Variants in EXT1 observed in about 807,000 individuals in gnomAD.
EXT1 encodes the protein exostosin-1.
Under a neutral mutation model 82.5 loss-of-function variants are expected in EXT1, and 20 were observed. The observed-to-expected ratio is 0.24, with a 90% CI of 0.17 to 0.35. The LOEUF (loss-of-function observed/expected upper bound fraction) is 0.35. EXT1 is among the 10% of genes least tolerant of loss of function. The pLI, the probability that EXT1 is intolerant of heterozygous loss-of-function variation, is 1.00. For synonymous variants in EXT1, 348 were observed against 350.8 expected (o/e 0.99, Z 0.09); for missense variants, 757 against 936.5 (o/e 0.81, Z 2.50).
rs1203698555 is a variant in EXT1 at position 118,111,201 on chromosome 8, A to G, written c.-155T>C. 1.8e-6 allele frequency: 2 copies of G among 1,088,508 alleles called. No individual in the cohort carries two copies. Among genetic ancestry groups the G allele is most frequent in the Non-Finnish European group, 2.7e-6 (2 of 743,588 alleles). 67.4% of individuals were successfully genotyped at this position (1,088,508 alleles called of 1,614,324 possible). On this transcript the variant is annotated 5_prime_UTR_variant, in exon 1 of 11. Coordinates refer to ENST00000378204, the MANE Select transcript of EXT1 (RefSeq NM_000127.3). Reference sequence around the variant, plus strand: ...CTGGATGCCTTTCCCCAAGCCGTGGACTGATCCAGCGCATGTGGGCGATTT... The same window carrying G: ...CTGGATGCCTTTCCCCAAGCCGTGGGCTGATCCAGCGCATGTGGGCGATTT...
At chr8:117,959,519 C>T (rs867074302) in intron 1 of EXT1, among the ~76,000 whole-genome samples, 1 of 152,188 alleles carries the variant, frequency 6.6e-6, no homozygotes, top group Non-Finnish European at 1.5e-5. Context: ...ACAGTCCTTA[C>T]CACTGTCATC....
intron 1 of EXT1, among the ~76,000 whole-genome samples, chr8:117,860,378 G>A (rs1812660849): frequency 6.6e-6 from 1 of 152,106 alleles, no homozygotes; most frequent in African/African-American, 2.4e-5. Context: ...GGGGATGAGA[G>A]AAGAAGAAAT....
At chr8:117,825,259 A>G (rs1280909873) in intron 4 of EXT1, among the ~76,000 whole-genome samples, 1 of 152,198 alleles carries the variant, frequency 6.6e-6, no homozygotes, top group Non-Finnish European at 1.5e-5. Flanking sequence ...TAAAAGGTTT[A>G]TATCAACTTG....
At chr8:117,979,140 G>T (rs1815129311) in intron 1 of EXT1, among the ~76,000 whole-genome samples, 1 of 152,086 alleles carries the variant, frequency 6.6e-6, no homozygotes, top group Non-Finnish European at 1.5e-5. Context: ...AGATCATGAG[G>T]TCAGGAGTTT....
intron 5 of EXT1, among the ~76,000 whole-genome samples, chr8:117,820,153 A>T (rs1811899259): frequency 6.6e-6 from 1 of 152,064 alleles, no homozygotes; most frequent in South Asian, 2.1e-4. Flanking sequence ...TGGTATTTGC[A>T]TGTGTCTGAT....
chr8:118,018,649 C>T (rs138294121), intron 1 of EXT1, among the ~76,000 whole-genome samples: 231 of 152,246 alleles, frequency 1.5e-3, no homozygotes, highest in African/African-American at 5.2e-3. Flanking sequence ...TACTTGTATA[C>T]GCACATACAT....
At chr8:117,967,436 A>AT (rs1178948927) in intron 1 of EXT1, among the ~76,000 whole-genome samples, 1 of 152,226 alleles carries the variant, frequency 6.6e-6, no homozygotes, top group African/African-American at 2.4e-5. Flanking sequence ...GTCATTAAAT[A>AT]TTTTTTAAAT....
At chr8:117,851,935 G>A (rs1266726994) in intron 1 of EXT1, among the ~76,000 whole-genome samples, 1 of 152,124 alleles carries the variant, frequency 6.6e-6, no homozygotes, top group Non-Finnish European at 1.5e-5. Flanking sequence ...ACTGGCTTGG[G>A]ATTGCAATGA....
At chr8:118,067,234 C>T (rs1439842618) in intron 1 of EXT1, among the ~76,000 whole-genome samples, 1 of 152,244 alleles carries the variant, frequency 6.6e-6, no homozygotes, top group African/African-American at 2.4e-5. Context: ...CATACAAACA[C>T]ACCTGAGCTA....
intron 1 of EXT1, among the ~76,000 whole-genome samples, chr8:117,844,764 G>A (rs531819641): frequency 6.6e-6 from 1 of 152,272 alleles, no homozygotes; most frequent in African/African-American, 2.4e-5. Context: ...CTATGCAAAT[G>A]TGCAGTGCTA....
At chr8:117,843,455 A>G (rs1313839555) in intron 1 of EXT1, among the ~76,000 whole-genome samples, 1 of 152,202 alleles carries the variant, frequency 6.6e-6, no homozygotes, top group Non-Finnish European at 1.5e-5. Flanking sequence ...AGGATGTACA[A>G]GAAGCAACCA....
intron 1 of EXT1, among the ~76,000 whole-genome samples, chr8:117,935,447 A>C (rs1814141889): frequency 1.3e-5 from 2 of 151,746 alleles, no homozygotes; most frequent in African/African-American, 2.4e-5. Context: ...CAGCCTCCCA[A>C]GTGGTTGGGA....
rs143632129 is a variant in EXT1 at position 118,050,469 on chromosome 8, T to C, written c.962+59616A>G. Among the ~76,000 whole-genome samples, 440 of 152,342 alleles carry C rather than the reference T, an allele frequency of 2.9e-3. 3 individuals carry two copies. Among genetic ancestry groups the C allele is most frequent in the African/African-American group, 0.01 (422 of 41,582 alleles). ...AAGGCTGTGCTCTTTCTATTACTGA[T>C]GATTATTCATTTTCGATCTGCCTCC... On this transcript the variant is annotated intron_variant, in intron 1 of 10. Transcript: ENST00000378204.
At chr8:117,993,496 A>G (rs1390123755) in intron 1 of EXT1, among the ~76,000 whole-genome samples, 1 of 152,252 alleles carries the variant, frequency 6.6e-6, no homozygotes, top group Non-Finnish European at 1.5e-5. Flanking sequence ...CAAAGTCCAG[A>G]AAAGGGATAT....
chr8:118,042,692 T>C (rs868051169), intron 1 of EXT1, among the ~76,000 whole-genome samples: 2 of 152,202 alleles, frequency 1.3e-5, no homozygotes, highest in African/African-American at 4.8e-5. Flanking sequence ...AAATACCTGG[T>C]ATATTTCCAT....
Position 118,018,704 on chromosome 8 carries a change from C to A in EXT1, c.962+91381G>T, listed in dbSNP as rs2129851661. Among the ~76,000 whole-genome samples the A allele has an allele frequency of 2.0e-5, 3 of 152,210 alleles. No individual in the cohort carries two copies. The East Asian group carries it at 5.8e-4, about 29-fold the overall frequency. On this transcript the variant is annotated intron_variant, in intron 1 of 10. Coordinates refer to ENST00000378204, the MANE Select transcript of EXT1 (RefSeq NM_000127.3). ...AATAATAAATTTCGTTATTACTAAG[C>A]CCTTGGATGTTTGATTTACAACAGT...
At chr8:117,875,462 AAAT>A (rs1554582959) in intron 1 of EXT1, among the ~76,000 whole-genome samples, 4 of 127,274 alleles carry the variant, frequency 3.1e-5, no homozygotes, top group Admixed American at 7.6e-5. Context: ...ATAAATAAAT[AAAT>A]AAAATAATAA....
chr8:117,958,987 G>C (rs1586309607), intron 1 of EXT1, among the ~76,000 whole-genome samples: 3 of 152,168 alleles, frequency 2.0e-5, no homozygotes, highest in Non-Finnish European at 4.4e-5. Flanking sequence ...TTTCTGCACT[G>C]ATCCTAGTTA....
chr8:117,847,092 G>C (rs17430315), intron 1 of EXT1, among the ~76,000 whole-genome samples: 36,019 of 151,994 alleles, frequency 0.24, 4,497 homozygotes, highest in East Asian at 0.49. Context: ...TACCTTAAGG[G>C]CCGGCCTACT....
Sources: allele counts gnomAD v4.1 joint callset (sites outside exome capture counted in the v4.1 genomes callset), GRCh38; gene constraint gnomAD v4.1.1; transcripts MANE v1.5; gene names NCBI Gene and HGNC (gene_info 2026-07-23, HGNC 2026-07-21).